PHF14: variants seen among roughly 807,000 people sequenced by gnomAD.
The protein encoded by PHF14 is PHD finger protein 14.
Under a neutral mutation model 117.9 loss-of-function variants are expected in PHF14, and 55 were observed. The observed-to-expected ratio is 0.47, with a 90% CI of 0.38 to 0.58. PHF14 has a LOEUF of 0.58. PHF14 is among the 20% of genes least tolerant of loss of function. The pLI, the probability that PHF14 is intolerant of heterozygous loss-of-function variation, is 0.00. For missense variants in PHF14, 978 were observed against 1,122.2 expected (o/e 0.87, Z 1.84); for synonymous variants, 409 against 368.6 (o/e 1.11, Z -1.26).
intron 16 of PHF14, among the ~76,000 whole-genome samples, chr7:11,070,109 G>A (rs567322893): frequency 2.0e-5 from 3 of 152,242 alleles, no homozygotes; most frequent in Admixed American, 2.0e-4. Context: ...TTGGTAAGCT[G>A]TGTTTCTCTT....
At position 10,980,725 on chromosome 7, in the gene PHF14, A is replaced by G. The variant is rs141986247; in HGVS notation, c.113-1647A>G. Reference sequence around the variant, plus strand: ...TTCTCATACTCTGTAAATAGGATTTATACTTTTCTCCGCAGAAATAATGTT... The same window carrying G: ...TTCTCATACTCTGTAAATAGGATTTGTACTTTTCTCCGCAGAAATAATGTT... On this transcript the variant is annotated intron_variant, in intron 2 of 17. Transcript: ENST00000634607. Among the ~76,000 whole-genome samples the G allele has an allele frequency of 1.4e-4, 21 of 152,340 alleles. No individual in the cohort carries two copies. The East Asian group carries it at 3.1e-3, about 22-fold the overall frequency.
At chr7:10,977,396 C>G (rs910554649) in intron 2 of PHF14, among the ~76,000 whole-genome samples, 1 of 152,112 alleles carries the variant, frequency 6.6e-6, no homozygotes, top group African/African-American at 2.4e-5. Flanking sequence ...GGATCAATTT[C>G]TTCTTACCTT....
At chr7:11,052,999 A>G (rs1784893609) in intron 14 of PHF14, among the ~76,000 whole-genome samples, 2 of 152,154 alleles carry the variant, frequency 1.3e-5, no homozygotes, top group Non-Finnish European at 2.9e-5. Context: ...GTGCTGGCTT[A>G]CAGTTATGAA....
intron 17 of PHF14, among the ~76,000 whole-genome samples, chr7:11,132,173 C>T (rs540852376): frequency 6.6e-6 from 1 of 151,544 alleles, no homozygotes; most frequent in South Asian, 2.1e-4. Flanking sequence ...TACCTGTAGC[C>T]CTCATATTGT....
At chr7:11,024,098 T>G (rs1261752006) in intron 6 of PHF14, among the ~76,000 whole-genome samples, 1 of 152,184 alleles carries the variant, frequency 6.6e-6, no homozygotes, top group Non-Finnish European at 1.5e-5. Context: ...TGAAGCTGCC[T>G]TATTGCTGAT....
At chr7:11,110,608 A>G (rs1787413163) in intron 16 of PHF14, 2 of 733,970 alleles carry the variant, frequency 2.7e-6, no homozygotes, top group Non-Finnish European at 3.3e-6. Flanking sequence ...CTATCAAAAC[A>G]TAAGTTTTTA....
chr7:11,006,931 T>A lies in PHF14; in HGVS notation c.1046-6816T>A, dbSNP rs917647913. ...GGCTCACACCTTTAATCCCAGCATG[T>A]TGGGAGGCTGAGGCATGTGGATCAC... is the stretch of plus-strand genomic sequence containing the variant. On this transcript the variant is annotated intron_variant, in intron 4 of 17. Transcript: ENST00000634607. The A allele has an allele frequency of 1.1e-5, 5 of 454,562 alleles. No individual in the cohort carries two copies. The Admixed American group carries it at 1.4e-4, about 12-fold the overall frequency. 28.2% of individuals were successfully genotyped at this position (454,562 alleles called of 1,614,324 possible). A position where few individuals can be genotyped will look rare whatever the true frequency, so the allele number is the denominator to read the frequency against.
chr7:11,067,612 CTCTTAG>C (rs936876840), intron 16 of PHF14, among the ~76,000 whole-genome samples: 4 of 152,148 alleles, frequency 2.6e-5, no homozygotes, highest in Non-Finnish European at 5.9e-5. Context: ...TATGTATATT[CTCTTAG>C]TCCATTTTAT....
rs1469223527 is a variant in PHF14 at position 11,028,688 on chromosome 7, G to T, written c.1325G>T (p.Ser442Ile). ...TCTGTTACTTTGTTGTAGGAGTGTA[G>T]CTTTTGTGAAGACCCTCGCTTTGCT... ...NYSKYGAKEC[S>I]FCEDPRFART... Residue 442 changes from serine (S) to isoleucine (I), a missense_variant, in exon 7 of 18, where the codon AGC (serine) becomes ATC (isoleucine). Coordinates refer to ENST00000634607, the MANE Select transcript of PHF14 (RefSeq NM_001007157.2). 3 of 1,613,526 alleles carry T rather than the reference G, an allele frequency of 1.9e-6. No homozygotes were observed. Among genetic ancestry groups the T allele is most frequent in the Non-Finnish European group, 2.5e-6 (3 of 1,179,722 alleles).
chr7:11,075,928 G>A (rs1009376507), intron 16 of PHF14, among the ~76,000 whole-genome samples: 2 of 151,968 alleles, frequency 1.3e-5, no homozygotes, highest in African/African-American at 4.8e-5. Context: ...TCAGGAGATC[G>A]AGAGCATCCT....
intron 4 of PHF14, among the ~76,000 whole-genome samples, chr7:11,003,267 C>T (rs758162376): frequency 1.2e-4 from 18 of 152,182 alleles, no homozygotes; most frequent in Non-Finnish European, 1.8e-4. Flanking sequence ...AAAGTTCACG[C>T]TAATAGCAGG....
chr7:11,147,020 A>G (rs1210355826), intron 17 of PHF14, among the ~76,000 whole-genome samples: 3 of 151,726 alleles, frequency 2.0e-5, no homozygotes, highest in African/African-American at 7.3e-5. Context: ...CTAATTTTGT[A>G]TTTTTTAGTA....
chr7:11,056,539 C>A (rs1050994887), intron 14 of PHF14, among the ~76,000 whole-genome samples: 15 of 151,932 alleles, frequency 9.9e-5, no homozygotes, highest in African/African-American at 3.1e-4. Flanking sequence ...GGAAAGCACT[C>A]ACTTTTGGTG....
intron 17 of PHF14, among the ~76,000 whole-genome samples, chr7:11,115,747 A>G (rs1417600750): frequency 6.6e-6 from 1 of 152,070 alleles, no homozygotes; most frequent in Non-Finnish European, 1.5e-5. Context: ...TTTAGTTTTC[A>G]TATTTCTTTT....
intron 16 of PHF14, chr7:11,107,951 C>T (rs769137100): frequency 1.6e-4 from 25 of 156,356 alleles, no homozygotes; most frequent in Non-Finnish European, 3.0e-4. Context: ...TAGTCCCTTA[C>T]GAGTTTTTTT....
chr7:11,035,431 C>T (rs17163915), intron 7 of PHF14, among the ~76,000 whole-genome samples: 4 of 151,810 alleles, frequency 2.6e-5, no homozygotes, highest in Non-Finnish European at 4.4e-5. Context: ...TAAAGAAAAA[C>T]GTTGTTGGTA....
chr7:11,022,002 A>G (rs1463734233), intron 5 of PHF14, among the ~76,000 whole-genome samples: 2 of 152,044 alleles, frequency 1.3e-5, no homozygotes, highest in Non-Finnish European at 2.9e-5. Context: ...CCTCTTTCTT[A>G]CAAAAGTGCT....
intron 7 of PHF14, among the ~76,000 whole-genome samples, chr7:11,035,390 G>T (rs1408351503): frequency 6.6e-6 from 1 of 152,078 alleles, no homozygotes; most frequent in Non-Finnish European, 1.5e-5. Context: ...CATTATATTT[G>T]ATTTCAATAT....
chr7:11,006,538 C>A, intron 4 of PHF14: 1 of 580,540 alleles, frequency 1.7e-6, no homozygotes, highest in Non-Finnish European at 3.3e-6. Context: ...TCCTTCACAG[C>A]CTGTTTGATC....
Sources: gnomAD v4.1 joint callset for allele counts (sites outside exome capture counted in the v4.1 genomes callset) on GRCh38, gnomAD v4.1.1 for gene constraint, MANE v1.5 for transcripts, NCBI Gene and HGNC (gene_info 2026-07-23, HGNC 2026-07-21) for gene names.